The following PARD3B variants were observed in gnomAD, a reference collection of about 807,000 sequenced individuals.
The protein encoded by PARD3B is par-3 family cell polarity regulator beta.
In PARD3B, 103 loss-of-function variants were observed where a neutral mutation model predicts 130.2. That is an observed-to-expected ratio of 0.79 (90% CI 0.67 to 0.93). The LOEUF is 0.93. Ranked by LOEUF, PARD3B falls within the 40% of genes least tolerant of loss-of-function variation. The probability of loss-of-function intolerance (pLI) is 0.00; values close to 1 mark genes in which losing one functional copy is unlikely to be tolerated. For missense variants in PARD3B, 1,609 were observed against 1,499.2 expected, an observed-to-expected ratio of 1.07 and a Z score of -1.21; for synonymous variants, 583 against 553.2, an observed-to-expected ratio of 1.05 and a Z score of -0.76.
At chr2:205,484,830 A>T (rs1054858856) in intron 20 of PARD3B, among the ~76,000 whole-genome samples, 1 of 152,236 alleles carries the variant, frequency 6.6e-6, no homozygotes, top group African/African-American at 2.4e-5. Flanking sequence ...CATAATTGAC[A>T]TCATGTTTAT....
intron 4 of PARD3B, among the ~76,000 whole-genome samples, chr2:205,087,366 T>C (rs991698007): frequency 7.2e-5 from 11 of 152,210 alleles, no homozygotes; most frequent in African/African-American, 2.7e-4. Flanking sequence ...GCTTCACTTC[T>C]TTTTATACCA....
intron 2 of PARD3B, among the ~76,000 whole-genome samples, chr2:204,833,231 A>G (rs2043896415): frequency 6.6e-6 from 1 of 152,206 alleles, no homozygotes. Context: ...AGTGTTTGTC[A>G]GTATTCACTG....
intron 10 of PARD3B, among the ~76,000 whole-genome samples, chr2:205,148,296 G>T (rs2033511434): frequency 6.6e-6 from 1 of 152,046 alleles, no homozygotes; most frequent in South Asian, 2.1e-4. Context: ...TAATAAAAAT[G>T]ATCCTCCTTA....
chr2:205,528,126 T>C (rs1166784952), intron 21 of PARD3B, among the ~76,000 whole-genome samples: 1 of 152,196 alleles, frequency 6.6e-6, no homozygotes, highest in African/African-American at 2.4e-5. Flanking sequence ...GGTAAGAGGT[T>C]GTGCTCACAT....
chr2:204,645,867 T>A (rs1312694111), intron 1 of PARD3B, among the ~76,000 whole-genome samples: 1 of 152,126 alleles, frequency 6.6e-6, no homozygotes, highest in East Asian at 1.9e-4. Context: ...TAAGATAAGG[T>A]ATCTGGATAA....
rs2037389719 is a variant in PARD3B, at chr2:205,207,575, G to A, written c.2140+14255G>A. ...CACAGAAATACAAACTACCATCAGA[G>A]AATACTACAAACACCTCTACACAAA... On this transcript the variant is annotated intron_variant, in intron 15 of 22. Transcript: ENST00000406610. 1.4e-5 allele frequency among the ~76,000 whole-genome samples: 2 copies of A among 142,060 alleles called. 1 individual carries two copies. The highest frequency in any genetic ancestry group is 3.0e-5 in the Non-Finnish European group (2 of 65,744). The allele number at this position is 142,060 out of a possible 152,430, so 93.2% of individuals were successfully genotyped here.
chr2:204,808,672 T>C (rs1028253374), intron 2 of PARD3B, among the ~76,000 whole-genome samples: 9 of 152,180 alleles, frequency 5.9e-5, no homozygotes, highest in African/African-American at 1.4e-4. Context: ...CTTGTTCTTT[T>C]TGATGGCTGA....
chr2:204,791,378 C>T (rs574424741), intron 2 of PARD3B, among the ~76,000 whole-genome samples: 49 of 152,282 alleles, frequency 3.2e-4, no homozygotes, highest in Admixed American at 7.2e-4. Flanking sequence ...TTATATCATT[C>T]CCCTCATAGT....
Position 204,610,755 on chromosome 2 carries a change from T to C in PARD3B, c.120+64636T>C, listed in dbSNP as rs1420293788. 6.6e-6 allele frequency among the ~76,000 whole-genome samples: 1 copy of C among 152,176 alleles called. No individual in the cohort carries two copies. Among genetic ancestry groups the C allele is most frequent in the African/African-American group, 2.4e-5 (1 of 41,448 alleles). ...GAAGGAGAAACATCATCTCCCCACCTCTGAGCACCCTAAGAACAAATACAT... is the reference window on the plus strand; with the variant it reads ...GAAGGAGAAACATCATCTCCCCACCCCTGAGCACCCTAAGAACAAATACAT... On this transcript the variant is annotated intron_variant, in intron 1 of 22. Transcript: ENST00000406610. The surrounding 1 kb of genome is among the most constrained non-coding windows in gnomAD (Gnocchi z 4.1).
At chr2:205,039,445 T>C (rs1698241047) in intron 3 of PARD3B, among the ~76,000 whole-genome samples, 2 of 152,138 alleles carry the variant, frequency 1.3e-5, no homozygotes, top group African/African-American at 4.8e-5. Context: ...AGTATTTCTT[T>C]CTGATGGACA....
chr2:205,469,107 C>G (rs2048736331), intron 20 of PARD3B, among the ~76,000 whole-genome samples: 1 of 152,040 alleles, frequency 6.6e-6, no homozygotes, highest in Non-Finnish European at 1.5e-5. Context: ...TGACTGTTAA[C>G]TTGTTTGTTT....
At chr2:205,217,885 TATATATATA>T (rs1417758919) in intron 15 of PARD3B, among the ~76,000 whole-genome samples, 50 of 100,088 alleles carry the variant, frequency 5.0e-4, no homozygotes, top group African/African-American at 6.9e-4. Context: ...TATATATATA[TATATATATA>T]TTTTTTTTTT....
intron 1 of PARD3B, among the ~76,000 whole-genome samples, chr2:204,569,636 CT>C (rs1287468709): frequency 6.6e-6 from 1 of 152,140 alleles, no homozygotes; most frequent in Non-Finnish European, 1.5e-5. Flanking sequence ...AAGATACTTA[CT>C]GTGTGTTTTG....
chr2:204,936,238 C>T (rs1031672528), intron 2 of PARD3B, among the ~76,000 whole-genome samples: 4 of 152,224 alleles, frequency 2.6e-5, no homozygotes, highest in Admixed American at 6.5e-5. Flanking sequence ...GCTGTGTGGT[C>T]GGGGAGTCAT....
intron 18 of PARD3B, among the ~76,000 whole-genome samples, chr2:205,387,559 G>C (rs2045706373): frequency 6.6e-6 from 1 of 152,136 alleles, no homozygotes; most frequent in South Asian, 2.1e-4. Context: ...GTTAGGGTTG[G>C]TGTAAAATGA....
chr2:205,426,845 C>A (rs1434780459), intron 19 of PARD3B, among the ~76,000 whole-genome samples: 1 of 152,020 alleles, frequency 6.6e-6, no homozygotes, highest in East Asian at 1.9e-4. Context: ...ATGAGAAAAT[C>A]AGAAAATATA....
intron 20 of PARD3B, among the ~76,000 whole-genome samples, chr2:205,444,928 A>G (rs556974284): frequency 1.3e-5 from 2 of 152,240 alleles, no homozygotes; most frequent in Admixed American, 1.3e-4. Flanking sequence ...TAGAGAGAAC[A>G]GTTTTAGTAG....
intron 21 of PARD3B, among the ~76,000 whole-genome samples, chr2:205,500,862 C>T (rs776866051): frequency 6.6e-6 from 1 of 152,142 alleles, no homozygotes; most frequent in Non-Finnish European, 1.5e-5. Flanking sequence ...GGGTTCAGTT[C>T]TCACTCACCC....
chr2:204,997,755 A>G, intron 3 of PARD3B, among the ~76,000 whole-genome samples: 1 of 151,758 alleles, frequency 6.6e-6, no homozygotes, highest in Non-Finnish European at 1.5e-5. Flanking sequence ...TGTTGGATAG[A>G]ATGAGTGATA....
Sources: allele counts gnomAD v4.1 joint callset (sites outside exome capture counted in the v4.1 genomes callset), GRCh38; gene constraint gnomAD v4.1.1; non-coding constraint Gnocchi (gnomAD v3.1); transcripts MANE v1.5; gene names NCBI Gene and HGNC (gene_info 2026-07-23, HGNC 2026-07-21).